TEX9: variants seen among roughly 807,000 people sequenced by gnomAD.
The protein encoded by TEX9 is testis expressed 9, also known as testis-expressed protein 9.
A neutral mutation model predicts 59.6 loss-of-function variants in TEX9; 74 were observed. That is an observed-to-expected ratio of 1.24 (90% confidence interval 1.03 to 1.51). The LOEUF is 1.51. Among genes scored for constraint, TEX9 ranks in the 40% most tolerant of loss-of-function variants. The pLI is 0.00. For missense variants in TEX9, 522 were observed against 447.8 expected (o/e 1.17, Z -1.49); for synonymous variants, 186 against 152.2 (o/e 1.22, Z -1.64).
chr15:56,382,737 C>T (rs1307661083), intron 3 of TEX9, among the ~76,000 whole-genome samples: 1 of 152,122 alleles, frequency 6.6e-6, no homozygotes, highest in African/African-American at 2.4e-5. Flanking sequence ...GAGGTGGTAT[C>T]CGAGATGCAA....
At chr15:56,398,883 C>T (rs2048620008) in intron 9 of TEX9, among the ~76,000 whole-genome samples, 1 of 152,104 alleles carries the variant, frequency 6.6e-6, no homozygotes, top group African/African-American at 2.4e-5. Flanking sequence ...CCTGTAATCC[C>T]AGCACTTTGG....
At chr15:56,395,513 A>G (rs1458842676) in intron 9 of TEX9, 1 of 152,168 alleles carries the variant, frequency 6.6e-6, no homozygotes, top group Non-Finnish European at 1.5e-5. Flanking sequence ...GCTGGGTCAT[A>G]TGGAAATCCT....
chr15:56,362,765 A>G (rs986187079), upstream of TEX9, among the ~76,000 whole-genome samples: 1 of 152,206 alleles, frequency 6.6e-6, no homozygotes, highest in Non-Finnish European at 1.5e-5. Context: ...GGATTTGCCT[A>G]TTGCGGACAT....
intron 1 of TEX9, among the ~76,000 whole-genome samples, chr15:56,324,670 G>C (rs2045983216): frequency 6.6e-6 from 1 of 152,162 alleles, no homozygotes; most frequent in African/African-American, 2.4e-5. Flanking sequence ...CTTTGGAATG[G>C]TGCTCTATGC....
At chr15:56,384,658 A>G (rs1389330798) in intron 4 of TEX9, among the ~76,000 whole-genome samples, 1 of 152,220 alleles carries the variant, frequency 6.6e-6, no homozygotes, top group Non-Finnish European at 1.5e-5. Context: ...AAAATTCAGA[A>G]GTGTGGCATT....
At chr15:56,276,655 T>C (rs1347999536) in intron 1 of TEX9, among the ~76,000 whole-genome samples, 1 of 152,220 alleles carries the variant, frequency 6.6e-6, no homozygotes, top group Non-Finnish European at 1.5e-5. Context: ...CATGTGTCTT[T>C]ATAGTAGAAT....
chr15:56,246,067 C>T (rs1261828825), intron 1 of TEX9, among the ~76,000 whole-genome samples: 2 of 152,120 alleles, frequency 1.3e-5, no homozygotes, highest in African/African-American at 4.8e-5. Flanking sequence ...GAAAAGGAAG[C>T]CGAGAACCAA....
Position 56,428,348 on chromosome 15 carries a change from T to C in TEX9, c.1099-19T>C, listed in dbSNP as rs779833905. 1 of 1,594,562 alleles carries C rather than the reference T, an allele frequency of 6.3e-7. No homozygotes were observed. Reference sequence around the variant, plus strand: ...ACTCTTAATACTAAATCAGACAATATTGATTTTTTTTTTAACAGATGCATA... The same window carrying C: ...ACTCTTAATACTAAATCAGACAATACTGATTTTTTTTTTAACAGATGCATA... On this transcript the variant is annotated intron_variant, in intron 11 of 12. Transcript: ENST00000352903.
intron 1 of TEX9, among the ~76,000 whole-genome samples, chr15:56,303,659 T>C (rs917811907): frequency 5.3e-5 from 8 of 151,350 alleles, no homozygotes; most frequent in Non-Finnish European, 1.2e-4. Context: ...CAAAACACAA[T>C]ATGAGTAGCA....
intron 1 of TEX9, among the ~76,000 whole-genome samples, chr15:56,312,985 AC>A (rs2045661027): frequency 7.5e-6 from 1 of 132,602 alleles, no homozygotes; most frequent in Non-Finnish European, 1.6e-5. Flanking sequence ...TGATTTTTGT[AC>A]ATTGATTTTG....
chr15:56,315,905 C>G (rs1488534083), intron 1 of TEX9, among the ~76,000 whole-genome samples: 1 of 151,310 alleles, frequency 6.6e-6, no homozygotes, highest in Admixed American at 6.6e-5. Flanking sequence ...TTCATTTCAT[C>G]TTCCATCGCT....
chr15:56,329,457 G>T (rs534309061), intron 1 of TEX9, among the ~76,000 whole-genome samples: 3 of 152,006 alleles, frequency 2.0e-5, no homozygotes, highest in Admixed American at 2.0e-4. Context: ...TTTAGTTCCG[G>T]GATAAATCGT....
chr15:56,335,085 C>T lies in TEX9; in HGVS notation c.-106-38356C>T, dbSNP rs145415128. 5.4e-3 allele frequency among the ~76,000 whole-genome samples: 819 copies of T among 152,256 alleles called. 14 individuals carry two copies. The highest frequency in any genetic ancestry group is 0.019 in the African/African-American group (774 of 41,544). On this transcript the variant is annotated intron_variant, in intron 1 of 5. Coordinates refer to the TEX9 transcript ENST00000560827. ...GTATTAGTACAACCACTATGCAGAACAGTTTGGAGGTTCCTCAAAAATTGA... is the reference window on the plus strand; with the variant it reads ...GTATTAGTACAACCACTATGCAGAATAGTTTGGAGGTTCCTCAAAAATTGA...
At chr15:56,297,948 G>A (rs1861709218) in intron 1 of TEX9, among the ~76,000 whole-genome samples, 1 of 152,140 alleles carries the variant, frequency 6.6e-6, no homozygotes, top group Admixed American at 6.5e-5. Flanking sequence ...CACATAGTAG[G>A]CACTTTTTAA....
At position 56,414,465 on chromosome 15, in the gene TEX9, C is replaced by T. The variant is rs147849389; in HGVS notation, c.963+2029C>T. ...TGTTCTGTAAGTTCTTATCATTTAG[C>T]TCCCACTTATAAGTGAAAACAAGCG... On this transcript the variant is annotated intron_variant, in intron 10 of 12. Transcript: ENST00000352903. Among the ~76,000 whole-genome samples the T allele has an allele frequency of 1.9e-3, 283 of 151,788 alleles. 2 individuals are homozygous for T. The Middle Eastern group carries it at 0.024, about 13-fold the overall frequency.
chr15:56,365,519 G>A (rs766321364), intron 1 of TEX9, 42 bp downstream of exon 1: 13 of 1,614,090 alleles, frequency 8.1e-6, no homozygotes, highest in Non-Finnish European at 1.1e-5. Flanking sequence ...CTGGGTTCCG[G>A]CGACTAGGAC....
chr15:56,444,581 C>T lies in TEX9; in HGVS notation c.*30-1090C>T, dbSNP rs201457984. Reference sequence around the variant, plus strand: ...CTAAGTCAAGATAGTACTGTGCTTTCGCTTTGTTTCGTTTGTCTTCTGCAG... The same window carrying T: ...CTAAGTCAAGATAGTACTGTGCTTTTGCTTTGTTTCGTTTGTCTTCTGCAG... On this transcript the variant is annotated intron_variant, in intron 12 of 12. Transcript: ENST00000352903. The T allele has an allele frequency of 6.6e-5, 107 of 1,612,646 alleles. 1 individual carries two copies. In the South Asian group the frequency reaches 1.1e-3, roughly 16 times the overall value.
At chr15:56,271,212 T>G (rs2044521170) in intron 1 of TEX9, among the ~76,000 whole-genome samples, 1 of 152,194 alleles carries the variant, frequency 6.6e-6, no homozygotes, top group Admixed American at 6.5e-5. Flanking sequence ...TTCTCCTGGA[T>G]AATATCCTGA....
At chr15:56,266,113 T>C (rs1476818205) in intron 1 of TEX9, among the ~76,000 whole-genome samples, 2 of 152,078 alleles carry the variant, frequency 1.3e-5, no homozygotes, top group African/African-American at 2.4e-5. Context: ...AATTGGTTGC[T>C]TGTCATTATG....
Sources: gnomAD v4.1 joint callset for allele counts (sites outside exome capture counted in the v4.1 genomes callset) on GRCh38, gnomAD v4.1.1 for gene constraint, MANE v1.5 for transcripts, NCBI Gene and HGNC (gene_info 2026-07-23, HGNC 2026-07-21) for gene names.